NUFIP2: variants seen among roughly 807,000 people sequenced by gnomAD.
NUFIP2 encodes the protein nuclear FMR1 interacting protein 2, also known as FMR1-interacting protein NUFIP2.
In NUFIP2, 6 loss-of-function variants were observed where a neutral mutation model predicts 56.9. The observed-to-expected ratio is 0.11, with a 90% confidence interval of 0.06 to 0.21. The LOEUF is 0.21. Among genes scored for constraint, NUFIP2 ranks in the 10% least tolerant of loss-of-function variants. The pLI is 1.00. For missense variants in NUFIP2, 828 were observed against 826.8 expected, an observed-to-expected ratio of 1.00 and a Z score of -0.02; for synonymous variants, 321 against 298.2, an observed-to-expected ratio of 1.08 and a Z score of -0.79.
chr17:29,289,925 A>AT (rs1313586738), intron 1 of NUFIP2, among the ~76,000 whole-genome samples: 4 of 152,034 alleles, frequency 2.6e-5, no homozygotes, highest in African/African-American at 4.8e-5. Flanking sequence ...TATAACAGTT[A>AT]TTTTTTTTCT....
chr17:29,275,619 C>G (rs1296192653), intron 2 of NUFIP2, among the ~76,000 whole-genome samples: 8 of 152,184 alleles, frequency 5.3e-5, no homozygotes, highest in Non-Finnish European at 1.2e-4. Flanking sequence ...CTGGCTCAAG[C>G]AGTAGTATCT....
chr17:29,287,782 C>T lies in NUFIP2; in HGVS notation c.278-66G>A, dbSNP rs554267953. Reference sequence around the variant, plus strand: ...ACATGTAAATTACACTAATACCTAACATTTAAGAACTATTTACTGTATGCT... The same window carrying T: ...ACATGTAAATTACACTAATACCTAATATTTAAGAACTATTTACTGTATGCT... On this transcript the variant is annotated intron_variant, in intron 1 of 3. Transcript: ENST00000225388. The T allele has an allele frequency of 8.0e-6, 11 of 1,378,140 alleles. No homozygotes were observed. The African/African-American group carries it at 1.3e-4, about 16-fold the overall frequency. 85.4% of individuals were successfully genotyped at this position (1,378,140 alleles called of 1,614,324 possible).
chr17:29,264,660 T>C (rs1417878696), intron 3 of NUFIP2, 69 bp from the exon 4 acceptor site: 2 of 1,018,176 alleles, frequency 2.0e-6, no homozygotes, highest in Non-Finnish European at 3.1e-6. Context: ...CCAATAACAA[T>C]CCCAAATAAC....
chr17:29,276,860 C>T (rs970202979), intron 2 of NUFIP2, among the ~76,000 whole-genome samples: 3 of 152,164 alleles, frequency 2.0e-5, no homozygotes, highest in Non-Finnish European at 4.4e-5. Context: ...TCACACTCAA[C>T]TTCTTCTGAC....
At chr17:29,268,199 G>A (rs1225270223) in intron 2 of NUFIP2, among the ~76,000 whole-genome samples, 3 of 152,108 alleles carry the variant, frequency 2.0e-5, no homozygotes, top group African/African-American at 7.2e-5. Flanking sequence ...GTGCCAGCCC[G>A]GCTGGCTCTT....
At chr17:29,272,515 C>T (rs540116872) in intron 2 of NUFIP2, among the ~76,000 whole-genome samples, 5 of 152,300 alleles carry the variant, frequency 3.3e-5, no homozygotes, top group African/African-American at 9.6e-5. Context: ...GCTGGGATTA[C>T]AGGCGTGAGC....
chr17:29,287,491 T>C lies in NUFIP2; in HGVS notation c.503A>G (p.Tyr168Cys). ...CTGATTCTCTCCAGATTTATTTTCATAAGACTTCCCATTCTTTTTGTCCAT... is the reference window on the plus strand; with the variant it reads ...CTGATTCTCTCCAGATTTATTTTCACAAGACTTCCCATTCTTTTTGTCCAT... ...NSMDKKNGKS[Y>C]ENKSGENQSV... Residue 168 changes from tyrosine (Y) to cysteine (C), a missense_variant, in exon 2 of 4, where the codon TAT becomes TGT. Physicochemically the swap from Tyr to Cys is radical, Grantham distance 194 (BLOSUM62 -2). Around this residue, in one of 3 missense-constraint regions of NUFIP2, gnomAD observed 415 missense variants for 408.7 expected, o/e 1.02. Coordinates refer to ENST00000225388, the MANE Select transcript of NUFIP2 (RefSeq NM_020772.3). The C allele has an allele frequency of 6.2e-7, 1 of 1,614,130 alleles. No homozygotes were observed. The highest frequency in any genetic ancestry group is 8.5e-7 in the Non-Finnish European group (1 of 1,179,990).
chr17:29,280,881 GGGAGGCTGAGGCAGAATCGCTTGAACCCA>G (rs149739492), intron 2 of NUFIP2, among the ~76,000 whole-genome samples: 32,228 of 151,462 alleles, frequency 0.21, 4,313 homozygotes, highest in Non-Finnish European at 0.3. Flanking sequence ...CCAGTTACTC[GGGAGGCTGAGGCAGAATCGCTTGAACCCA>G]GGAGGCAGAG....
chr17:29,276,678 G>C (rs895433396), intron 2 of NUFIP2, among the ~76,000 whole-genome samples: 3 of 152,144 alleles, frequency 2.0e-5, no homozygotes, highest in African/African-American at 4.8e-5. Flanking sequence ...TTCACTATTA[G>C]ACCAAGTTTC....
chr17:29,285,394 C>T (rs2069166608), intron 2 of NUFIP2, among the ~76,000 whole-genome samples: 2 of 151,894 alleles, frequency 1.3e-5, no homozygotes, highest in Non-Finnish European at 2.9e-5. Context: ...AGGTCAAGAC[C>T]ATCCTGGCCA....
At position 29,287,674 on chromosome 17, in the gene NUFIP2, G is replaced by A. The variant is rs750088978; in HGVS notation, c.320C>T (p.Ser107Phe). 5 of 1,611,950 alleles carry A rather than the reference G, an allele frequency of 3.1e-6. No homozygotes were observed. The East Asian group carries it at 1.1e-4, about 36-fold the overall frequency. ...LNGNAGEREI[S>F]LKNLSSDEAT... ...TTCATCAGAACTCAGGTTCTTTAAAGATATTTCTCTTTCTCCAGCATTACC... is the reference window on the plus strand; with the variant it reads ...TTCATCAGAACTCAGGTTCTTTAAAAATATTTCTCTTTCTCCAGCATTACC... Residue 107 changes from serine (S) to phenylalanine (F), a missense_variant, in exon 2 of 4, where the codon TCT (serine) becomes TTT (phenylalanine). Physicochemically the swap from Ser to Phe is radical, Grantham distance 155. Around this residue, in one of 3 missense-constraint regions of NUFIP2, gnomAD observed 415 missense variants for 408.7 expected, o/e 1.02. Transcript: ENST00000225388.
At chr17:29,265,496 G>GT (rs1346062589) in intron 3 of NUFIP2, among the ~76,000 whole-genome samples, 1 of 147,232 alleles carries the variant, frequency 6.8e-6, no homozygotes, top group Non-Finnish European at 1.5e-5. Flanking sequence ...TAGACACGGG[G>GT]TTTCACCGTG....
At chr17:29,271,031 T>C (rs912050971) in intron 2 of NUFIP2, among the ~76,000 whole-genome samples, 2 of 152,142 alleles carry the variant, frequency 1.3e-5, no homozygotes, top group African/African-American at 4.8e-5. Flanking sequence ...AACAACTATT[T>C]GCAAACACCC....
intron 1 of NUFIP2, among the ~76,000 whole-genome samples, chr17:29,292,915 G>A (rs2069226639): frequency 7.0e-6 from 1 of 143,230 alleles, no homozygotes; most frequent in South Asian, 2.2e-4. Flanking sequence ...GGGGGGCGCC[G>A]GCGCCCCCGC....
chr17:29,280,806 C>T (rs760979959), intron 2 of NUFIP2, among the ~76,000 whole-genome samples: 1 of 151,628 alleles, frequency 6.6e-6, no homozygotes, highest in Non-Finnish European at 1.5e-5. Context: ...GCCAACATGG[C>T]GAAACCCCGT....
At chr17:29,293,273 G>A (rs910761767) in intron 1 of NUFIP2, among the ~76,000 whole-genome samples, 7 of 151,182 alleles carry the variant, frequency 4.6e-5, no homozygotes, top group African/African-American at 1.7e-4. Context: ...GGCCACAGGT[G>A]GGCTTGGGGT....
intron 2 of NUFIP2, among the ~76,000 whole-genome samples, chr17:29,277,111 G>A (rs1014293541): frequency 5.9e-5 from 9 of 151,862 alleles, no homozygotes; most frequent in African/African-American, 1.7e-4. Context: ...AGCAACCTCC[G>A]CCTCCCAGGT....
rs560439244 is a variant in NUFIP2 at position 29,263,208 on chromosome 17, C to T, written c.*1331G>A. On this transcript the variant is annotated 3_prime_UTR_variant, in exon 4 of 4. Coordinates refer to ENST00000225388, the MANE Select transcript of NUFIP2 (RefSeq NM_020772.3). ...GACCCTTAATTTCTGCACACACACA[C>T]AAAAATTTATTTTAGCATGCTATAC... The T allele has an allele frequency of 6.6e-6, 1 of 152,540 alleles. No homozygotes were observed. Among genetic ancestry groups the T allele is most frequent in the African/African-American group, 2.4e-5 (1 of 41,422 alleles). The allele number at this position is 152,540 out of a possible 1,614,324, so 9.4% of individuals were successfully genotyped here. A position where few individuals can be genotyped will look rare whatever the true frequency, so the allele number is the denominator to read the frequency against.
chr17:29,291,687 C>T (rs1271590646), intron 1 of NUFIP2, among the ~76,000 whole-genome samples: 1 of 152,210 alleles, frequency 6.6e-6, no homozygotes. Flanking sequence ...TCAATCTCAA[C>T]AGTAATATTG....
Sources: allele counts gnomAD v4.1 joint callset (sites outside exome capture counted in the v4.1 genomes callset), GRCh38; gene constraint gnomAD v4.1.1; regional missense constraint gnomAD v4.1.1; transcripts MANE v1.5; gene names NCBI Gene and HGNC (gene_info 2026-07-23, HGNC 2026-07-21).